CORIN: variants seen among roughly 807,000 people sequenced by gnomAD.
CORIN encodes corin, serine peptidase, also known as atrial natriuretic peptide-converting enzyme.
CORIN carries 117 observed loss-of-function variants against 125.3 expected under a neutral mutation model. The ratio of observed to expected loss-of-function variants is 0.93; its 90% CI spans 0.80 to 1.09. The LOEUF (loss-of-function observed/expected upper bound fraction) is 1.09, where lower values mean the gene tolerates loss of function less well. CORIN is among the 50% of genes least tolerant of loss of function. The pLI, the probability that CORIN is intolerant of heterozygous loss-of-function variation, is 0.00. For synonymous variants in CORIN, 450 were observed against 466.4 expected, an observed-to-expected ratio of 0.96 and a Z score of 0.45; for missense variants, 1,253 against 1,306.7, an observed-to-expected ratio of 0.96 and a Z score of 0.63.
chr4:47,670,106 A>G (rs953246374), intron 10 of CORIN, among the ~76,000 whole-genome samples: 1 of 152,162 alleles, frequency 6.6e-6, no homozygotes, highest in South Asian at 2.1e-4. Context: ...CACGTTCCCC[A>G]TTCTTTCTAT....
At chr4:47,664,646 A>T (rs981212452) in intron 11 of CORIN, among the ~76,000 whole-genome samples, 2 of 152,210 alleles carry the variant, frequency 1.3e-5, no homozygotes, top group East Asian at 1.9e-4. Context: ...CATATCTCTA[A>T]CAAGTGCTGT....
At chr4:47,837,627 A>G (rs956437978) in intron 1 of CORIN, 1 of 587,192 alleles carries the variant, frequency 1.7e-6, no homozygotes, top group African/African-American at 1.9e-5. Context: ...CGAACACTGA[A>G]GGAAACCCTG....
chr4:47,737,986 G>A (rs1048698765), intron 5 of CORIN, among the ~76,000 whole-genome samples: 12 of 147,536 alleles, frequency 8.1e-5, no homozygotes, highest in African/African-American at 2.6e-4. Flanking sequence ...CCTTTTCCCC[G>A]GGGTGTTTCT....
intron 2 of CORIN, among the ~76,000 whole-genome samples, chr4:47,796,961 T>C (rs2109934836): frequency 6.6e-6 from 1 of 152,096 alleles, no homozygotes; most frequent in South Asian, 2.1e-4. Context: ...AACTCTGTTG[T>C]AATTACTTAA....
chr4:47,821,651 A>T (rs534776854), intron 1 of CORIN, among the ~76,000 whole-genome samples: 1 of 152,162 alleles, frequency 6.6e-6, no homozygotes, highest in East Asian at 1.9e-4. Flanking sequence ...TTTTGTTTTG[A>T]CGTCTTTCCA....
At chr4:47,696,921 CTGCCACGGACTGTATGG>C (rs1454838815) in intron 5 of CORIN, among the ~76,000 whole-genome samples, 3 of 152,172 alleles carry the variant, frequency 2.0e-5, no homozygotes, top group African/African-American at 7.2e-5. Flanking sequence ...ATCCACCAGC[CTGCCACGGACTGTATGG>C]TGCCCTTACT....
In CORIN at chr4:47,595,635, T is replaced by TA. The variant is rs963844136; in HGVS notation, c.*85dup. On this transcript the variant is annotated 3_prime_UTR_variant, in exon 22 of 22. Transcript: ENST00000273857. ...TTTCTGTCCATGAAAAGTGCTTCTG[T>TA]ACAGCTCTCTGCAGGCAGCTCTTCA... 5.6e-6 allele frequency: 6 copies of TA among 1,069,038 alleles called. No homozygotes were observed. The African/African-American group carries it at 9.6e-5, about 17-fold the overall frequency. The allele number at this position is 1,069,038 out of a possible 1,614,324, so 66.2% of individuals were successfully genotyped here. A position where few individuals can be genotyped will look rare whatever the true frequency, so the allele number is the denominator to read the frequency against.
At chr4:47,747,435 C>T (rs1337764697) in intron 4 of CORIN, among the ~76,000 whole-genome samples, 1 of 152,160 alleles carries the variant, frequency 6.6e-6, no homozygotes, top group Non-Finnish European at 1.5e-5. Flanking sequence ...AACTGAACAA[C>T]ACTCTGGAGC....
At chr4:47,753,693 G>A (rs1729010677) in intron 4 of CORIN, among the ~76,000 whole-genome samples, 1 of 152,106 alleles carries the variant, frequency 6.6e-6, no homozygotes, top group African/African-American at 2.4e-5. Context: ...CGACCCCGCA[G>A]GCAGTCAGAC....
At chr4:47,690,330 T>C (rs993342354) in intron 6 of CORIN, among the ~76,000 whole-genome samples, 1 of 152,204 alleles carries the variant, frequency 6.6e-6, no homozygotes, top group Non-Finnish European at 1.5e-5. Context: ...AATTTATTCA[T>C]TGCCCTAAGC....
At chr4:47,693,666 C>T (rs902886828) in intron 5 of CORIN, among the ~76,000 whole-genome samples, 11 of 152,096 alleles carry the variant, frequency 7.2e-5, no homozygotes, top group South Asian at 2.1e-4. Flanking sequence ...GCATAAGGAA[C>T]GGGAAATGGC....
chr4:47,653,234 A>G (rs1005977640), intron 13 of CORIN, among the ~76,000 whole-genome samples: 6 of 152,188 alleles, frequency 3.9e-5, no homozygotes, highest in African/African-American at 1.4e-4. Context: ...TGTAGGAAAA[A>G]GCATAGTACT....
In CORIN at chr4:47,663,482, G is replaced by C. The variant is rs554480529; in HGVS notation, c.1589+1550C>G. Among the ~76,000 whole-genome samples, 91 of 151,652 alleles carry C rather than the reference G, an allele frequency of 6.0e-4. 1 individual carries two copies. The highest frequency in any genetic ancestry group is 3.4e-3 in the Middle Eastern group (1 of 294). ...AGACACTGAAAATGAAAGATGTATGGGTAAACCTGAAAAAAAGAAATAAAT... is the reference window on the plus strand; with the variant it reads ...AGACACTGAAAATGAAAGATGTATGCGTAAACCTGAAAAAAAGAAATAAAT... On this transcript the variant is annotated intron_variant, in intron 11 of 21. Transcript: ENST00000273857.
chr4:47,704,250 A>T (rs1726446984), intron 5 of CORIN, among the ~76,000 whole-genome samples: 1 of 152,204 alleles, frequency 6.6e-6, no homozygotes, highest in Admixed American at 6.5e-5. Context: ...GCGTAAAACT[A>T]AATACAAGCA....
intron 19 of CORIN, among the ~76,000 whole-genome samples, chr4:47,605,624 C>T (rs1403924191): frequency 1.3e-5 from 2 of 152,138 alleles, no homozygotes; most frequent in African/African-American, 2.4e-5. Context: ...ATCAAATCAA[C>T]TAAAGTAGGT....
At chr4:47,700,570 T>G (rs1298042417) in intron 5 of CORIN, among the ~76,000 whole-genome samples, 2 of 152,196 alleles carry the variant, frequency 1.3e-5, no homozygotes, top group African/African-American at 4.8e-5. Flanking sequence ...AAGGAAGGAC[T>G]TCTAGCTTTC....
chr4:47,771,096 CT>C (rs908757070), intron 3 of CORIN, among the ~76,000 whole-genome samples: 60 of 152,128 alleles, frequency 3.9e-4, no homozygotes, highest in African/African-American at 1.4e-3. Flanking sequence ...GTTACAACAA[CT>C]TTTTTCATAT....
intron 17 of CORIN, 47 bp from the exon 18 acceptor site, chr4:47,623,995 T>C: frequency 6.6e-7 from 1 of 1,526,150 alleles, no homozygotes; most frequent in Non-Finnish European, 9.1e-7. Flanking sequence ...TACATATTTC[T>C]TGTTCAATTC....
At chr4:47,697,317 G>A (rs1726063199) in intron 5 of CORIN, among the ~76,000 whole-genome samples, 1 of 152,136 alleles carries the variant, frequency 6.6e-6, no homozygotes, top group South Asian at 2.1e-4. Flanking sequence ...ACTTTACCCT[G>A]CCTTCTGAGG....
Sources: allele counts gnomAD v4.1 joint callset (sites outside exome capture counted in the v4.1 genomes callset), GRCh38; gene constraint gnomAD v4.1.1; transcripts MANE v1.5; gene names NCBI Gene and HGNC (gene_info 2026-07-23, HGNC 2026-07-21).